KHDRBS2: variants seen among roughly 807,000 people sequenced by gnomAD.
KHDRBS2 encodes KH domain-containing, RNA-binding, signal transduction-associated protein 2.
A neutral mutation model predicts 44.3 loss-of-function variants in KHDRBS2; 26 were observed. The observed-to-expected ratio is 0.59, with a 90% CI of 0.43 to 0.81. KHDRBS2 has a LOEUF of 0.81. Among genes scored for constraint, KHDRBS2 ranks in the 40% least tolerant of loss-of-function variants. KHDRBS2 has a pLI of 0.00. For synonymous variants in KHDRBS2, 194 were observed against 151.1 expected (o/e 1.28, Z -2.08); for missense variants, 476 against 433.1 (o/e 1.10, Z -0.88).
intron 7 of KHDRBS2, among the ~76,000 whole-genome samples, chr6:61,717,357 GAA>G (rs1002920888): frequency 6.6e-6 from 1 of 151,486 alleles, no homozygotes; most frequent in Non-Finnish European, 1.5e-5. Flanking sequence ...AAGAGAGAGA[GAA>G]AAAAAACAGT....
At chr6:62,007,443 T>A (rs2127265580) in intron 3 of KHDRBS2, among the ~76,000 whole-genome samples, 1 of 152,154 alleles carries the variant, frequency 6.6e-6, no homozygotes, top group Admixed American at 6.5e-5. Context: ...TTAACTGTTT[T>A]TTATAAAATG....
At chr6:62,198,068 T>C (rs1180954252) in intron 1 of KHDRBS2, among the ~76,000 whole-genome samples, 1 of 152,048 alleles carries the variant, frequency 6.6e-6, no homozygotes, top group Non-Finnish European at 1.5e-5. Context: ...TATCAGAATC[T>C]CGGGGACACA....
chr6:61,983,559 G>A (rs569208816), intron 3 of KHDRBS2, among the ~76,000 whole-genome samples: 2 of 152,096 alleles, frequency 1.3e-5, no homozygotes, highest in East Asian at 3.9e-4. Flanking sequence ...AAATTTATAG[G>A]TACTGCAGGT....
intron 6 of KHDRBS2, among the ~76,000 whole-genome samples, chr6:61,858,997 TCAA>T (rs1284508667): frequency 6.6e-6 from 1 of 151,956 alleles, no homozygotes; most frequent in African/African-American, 2.4e-5. Context: ...GAAGTTGTTC[TCAA>T]CAACACCATT....
the KHDRBS2 span, among the ~76,000 whole-genome samples, chr6:61,672,340 T>C: frequency 5.9e-5 from 9 of 152,072 alleles, no homozygotes; most frequent in Non-Finnish European, 7.4e-5. Context: ...GCATGATTTA[T>C]AGTCCTTTGG....
chr6:61,896,207 T>C (rs1485232738), intron 5 of KHDRBS2, among the ~76,000 whole-genome samples: 2 of 152,200 alleles, frequency 1.3e-5, no homozygotes, highest in Non-Finnish European at 2.9e-5. Flanking sequence ...AAGATGAGCA[T>C]ATGTCCAGGT....
At chr6:61,918,737 T>C (rs1472171418) in intron 4 of KHDRBS2, among the ~76,000 whole-genome samples, 3 of 151,906 alleles carry the variant, frequency 2.0e-5, no homozygotes, top group Non-Finnish European at 4.4e-5. Context: ...GAAGAGGTAA[T>C]CAAAGAATAT....
chr6:61,917,876 T>A (rs972783891), intron 4 of KHDRBS2, among the ~76,000 whole-genome samples: 2 of 151,974 alleles, frequency 1.3e-5, no homozygotes, highest in African/African-American at 4.8e-5. Flanking sequence ...ATCGACCATT[T>A]CATCAAGTTG....
intron 1 of KHDRBS2, among the ~76,000 whole-genome samples, chr6:62,192,334 C>T (rs775111310): frequency 1.3e-5 from 2 of 151,960 alleles, no homozygotes; most frequent in Non-Finnish European, 2.9e-5. Flanking sequence ...AAATAAGAGG[C>T]TTTACTGTTG....
intron 6 of KHDRBS2, among the ~76,000 whole-genome samples, chr6:61,785,232 C>T (rs1339654271): frequency 6.6e-6 from 1 of 151,622 alleles, no homozygotes; most frequent in Non-Finnish European, 1.5e-5. Context: ...TGCAAACATG[C>T]TACTCAGAAT....
chr6:61,615,241 A>AAAAAAAG, the KHDRBS2 span, among the ~76,000 whole-genome samples: 2 of 148,676 alleles, frequency 1.3e-5, no homozygotes, highest in African/African-American at 4.9e-5. Context: ...TCCAAAAAAA[A>AAAAAAAG]AAAAAAAAAA....
intron 2 of KHDRBS2, among the ~76,000 whole-genome samples, chr6:62,161,961 T>C (rs569872101): frequency 1.3e-4 from 20 of 152,168 alleles, no homozygotes; most frequent in Admixed American, 2.6e-4. Flanking sequence ...CATCTTTATA[T>C]ATTATATGCC....
At chr6:62,233,728 G>C (rs1278451531) in intron 1 of KHDRBS2, among the ~76,000 whole-genome samples, 4 of 152,110 alleles carry the variant, frequency 2.6e-5, no homozygotes, top group Non-Finnish European at 5.9e-5. Flanking sequence ...TTCTAAGTGA[G>C]AACATGTGGT....
intron 1 of KHDRBS2, among the ~76,000 whole-genome samples, chr6:62,194,397 T>C (rs1169238284): frequency 6.6e-6 from 1 of 151,570 alleles, no homozygotes; most frequent in African/African-American, 2.4e-5. Flanking sequence ...TGAGGGTCTA[T>C]TTCTGGACTT....
At position 62,072,571 on chromosome 6, in the gene KHDRBS2, T is replaced by C. The variant is rs562661218; in HGVS notation, c.220-24577A>G. Among the ~76,000 whole-genome samples, 583 of 152,090 alleles carry C rather than the reference T, an allele frequency of 3.8e-3. 1 individual carries two copies. Among genetic ancestry groups the C allele is most frequent in the African/African-American group, 0.014 (564 of 41,530 alleles). On this transcript the variant is annotated intron_variant, in intron 2 of 8. Transcript: ENST00000281156. ...ATGAAGGGTTGTTGAATTTTGTCAA[T>C]GGCCTTTTCTGCATCTATTGAGATA...
chr6:61,886,425 C>T (rs973565446), intron 6 of KHDRBS2, among the ~76,000 whole-genome samples: 3 of 152,124 alleles, frequency 2.0e-5, no homozygotes, highest in African/African-American at 7.2e-5. Context: ...TTATCCTGGT[C>T]TCCTTGCAGT....
chr6:62,045,519 A>G (rs1208380868), intron 3 of KHDRBS2, among the ~76,000 whole-genome samples: 1 of 152,074 alleles, frequency 6.6e-6, no homozygotes, highest in Non-Finnish European at 1.5e-5. Flanking sequence ...CTAAAAGTAT[A>G]AAATGTATTC....
intron 2 of KHDRBS2, among the ~76,000 whole-genome samples, chr6:62,132,629 A>G (rs1810588738): frequency 6.6e-6 from 1 of 152,214 alleles, no homozygotes; most frequent in South Asian, 2.1e-4. Context: ...CTATGGTTTT[A>G]GGCTGATTTA....
At chr6:62,109,298 C>G (rs1456867829) in intron 2 of KHDRBS2, among the ~76,000 whole-genome samples, 1 of 151,792 alleles carries the variant, frequency 6.6e-6, no homozygotes, top group Non-Finnish European at 1.5e-5. Context: ...ATATCCATTC[C>G]TAATTTTTAA....
Sources: gnomAD v4.1 joint callset for allele counts (sites outside exome capture counted in the v4.1 genomes callset) on GRCh38, gnomAD v4.1.1 for gene constraint, MANE v1.5 for transcripts, NCBI Gene and HGNC (gene_info 2026-07-23, HGNC 2026-07-21) for gene names.